The following UGT1A8 variants were observed in gnomAD, a reference collection of about 807,000 sequenced individuals.
UGT1A8 encodes UDP-glucuronosyltransferase 1A8.
In UGT1A8, 39 loss-of-function variants were observed where a neutral mutation model predicts 45.3. The ratio of observed to expected loss-of-function variants is 0.86; its 90% CI spans 0.67 to 1.12. The LOEUF is 1.12. UGT1A8 is among the 50% of genes most tolerant of loss of function. UGT1A8 has a pLI of 0.00. For synonymous variants in UGT1A8, 275 were observed against 249.2 expected (o/e 1.10, Z -0.97); for missense variants, 719 against 664.9 (o/e 1.08, Z -0.90).
intron 1 of UGT1A8, among the ~76,000 whole-genome samples, chr2:233,725,530 A>T (rs1438339071): frequency 6.6e-6 from 1 of 152,162 alleles, no homozygotes; most frequent in African/African-American, 2.4e-5. Context: ...TTGTTTAACC[A>T]GACATATCAC....
At position 233,617,711 on chromosome 2, in the gene UGT1A8, G is replaced by A; in HGVS notation, c.4G>A (p.Ala2Thr). M[A>T]RTGWTSPIPL... ...TGGCTCGGGCTGCAGTTCTCTCATG[G>A]CTCGCACAGGGTGGACCAGCCCCAT... Residue 2 changes from alanine (A) to threonine (T), a missense_variant, in exon 1 of 5, where the codon GCT becomes ACT. By Grantham distance (58) the Ala-to-Thr change is moderately conservative (BLOSUM62 0). Transcript: ENST00000373450. 1 of 1,612,334 alleles carries A rather than the reference G, an allele frequency of 6.2e-7. No individual in the cohort carries two copies. The highest frequency in any genetic ancestry group is 1.1e-5 in the South Asian group (1 of 90,720).
chr2:233,709,565 T>G (rs2076082358), intron 1 of UGT1A8, among the ~76,000 whole-genome samples: 1 of 152,156 alleles, frequency 6.6e-6, no homozygotes, highest in Non-Finnish European at 1.5e-5. Flanking sequence ...AAATTTAAAC[T>G]TAAAATTCAA....
intron 1 of UGT1A8, among the ~76,000 whole-genome samples, chr2:233,670,195 G>A (rs2074153926): frequency 6.6e-6 from 1 of 152,208 alleles, no homozygotes; most frequent in African/African-American, 2.4e-5. Context: ...TTAAGTGGAA[G>A]TGGATCATGA....
chr2:233,680,195 C>G (rs2074477959), intron 1 of UGT1A8, among the ~76,000 whole-genome samples: 1 of 152,094 alleles, frequency 6.6e-6, no homozygotes, highest in African/African-American at 2.4e-5. Context: ...CTTGCAGCAT[C>G]ATTAGTTGCA....
In UGT1A8 at chr2:233,617,733, C is replaced by T. The variant is rs761100207; in HGVS notation, c.26C>T (p.Pro9Leu). MARTGWTS[P>L]IPLCVSLLLT... ...ATGGCTCGCACAGGGTGGACCAGCC[C>T]CATTCCCCTATGTGTTTCTCTGCTG... Residue 9 changes from proline to leucine, a missense_variant, in exon 1 of 5, where the codon CCC (proline) becomes CTC (leucine). Transcript: ENST00000373450. The T allele has an allele frequency of 8.7e-6, 14 of 1,614,020 alleles. No homozygotes were observed. In the South Asian group the frequency reaches 1.3e-4, roughly 15 times the overall value.
chr2:233,665,065 A>G (rs1197928561), intron 1 of UGT1A8, among the ~76,000 whole-genome samples: 2 of 152,212 alleles, frequency 1.3e-5, no homozygotes. Flanking sequence ...TATTTTATGC[A>G]TATGCAGATA....
At chr2:233,637,428 A>G in intron 1 of UGT1A8, 1 of 1,548,340 alleles carries the variant, frequency 6.5e-7, no homozygotes, top group Non-Finnish European at 8.7e-7. Context: ...TTTGGAAATT[A>G]AAAAAGGATT....
Position 233,657,223 on chromosome 2 carries a change from C to T in UGT1A8, c.855+38661C>T, listed in dbSNP as rs76514227. Among the ~76,000 whole-genome samples, 48 of 152,318 alleles carry T rather than the reference C, an allele frequency of 3.2e-4. 1 individual carries two copies. In the East Asian group the frequency reaches 8.5e-3, roughly 27 times the overall value. ...CCTGGCTCATGGGCTTTATTTTATG[C>T]CACTCTTCATGCTCAGAAGCACCTG... On this transcript the variant is annotated intron_variant, in intron 1 of 4. Coordinates refer to ENST00000373450, the MANE Select transcript of UGT1A8 (RefSeq NM_019076.5).
chr2:233,642,184 G>A (rs577531626), intron 1 of UGT1A8, among the ~76,000 whole-genome samples: 24 of 152,090 alleles, frequency 1.6e-4, no homozygotes, highest in Admixed American at 4.6e-4. Context: ...CTATAAGCAT[G>A]CTTCATTGTT....
At chr2:233,732,150 T>C (rs1356402869) in intron 1 of UGT1A8, among the ~76,000 whole-genome samples, 1 of 152,152 alleles carries the variant, frequency 6.6e-6, no homozygotes. Flanking sequence ...GTTTTTTTTC[T>C]TGTAAATTTG....
rs541409164 is a variant in UGT1A8, at chr2:233,760,784, T to G, written c.856-6250T>G. ...CCCATCGTGGCCCAGTACCTGTCTC[T>G]GCCCACTGTATTCTTCTTGCATGCA... On this transcript the variant is annotated intron_variant, in intron 1 of 4. Transcript: ENST00000373450. 7 of 1,613,832 alleles carry G rather than the reference T, an allele frequency of 4.3e-6. No homozygotes were observed. In the East Asian group the frequency reaches 1.6e-4, roughly 36 times the overall value.
At chr2:233,730,195 G>T (rs1056966798) in intron 1 of UGT1A8, among the ~76,000 whole-genome samples, 6 of 152,186 alleles carry the variant, frequency 3.9e-5, no homozygotes, top group Admixed American at 6.5e-5. Context: ...TCACTGAGAG[G>T]AAGAGGAAGT....
rs567676971 is a variant in UGT1A8 at position 233,725,173 on chromosome 2, C to T, written c.856-41861C>T. 7.4e-5 allele frequency among the ~76,000 whole-genome samples: 7 copies of T among 94,254 alleles called. 2 individuals are homozygous for T. The highest frequency in any genetic ancestry group is 3.8e-4 in the African/African-American group (6 of 15,610). 61.8% of individuals were successfully genotyped at this position (94,254 alleles called of 152,430 possible). Reference sequence around the variant, plus strand: ...CTTCGGCTCTGCATGAGAGGGAGACCGTGGGGAGAGGCAGAGGCAGAGGCA... The same window carrying T: ...CTTCGGCTCTGCATGAGAGGGAGACTGTGGGGAGAGGCAGAGGCAGAGGCA... On this transcript the variant is annotated intron_variant, in intron 1 of 4. Transcript: ENST00000373450.
intron 1 of UGT1A8, chr2:233,742,938 A>G: frequency 4.7e-6 from 1 of 214,112 alleles, no homozygotes; most frequent in Admixed American, 5.3e-5. Context: ...ATTCTGTCCT[A>G]CCACTAGCAA....
At chr2:233,737,920 A>AT (rs1189793368) in intron 1 of UGT1A8, among the ~76,000 whole-genome samples, 1 of 152,076 alleles carries the variant, frequency 6.6e-6, no homozygotes, top group Non-Finnish European at 1.5e-5. Context: ...AGGCTAGTGT[A>AT]TTTAGTAGTG....
intron 1 of UGT1A8, chr2:233,754,848 A>G (rs1437174207): frequency 7.4e-7 from 1 of 1,344,734 alleles, no homozygotes; most frequent in African/African-American, 1.5e-5. Flanking sequence ...GAAGGCAGAG[A>G]AAAGGGGTGC....
chr2:233,641,851 G>A (rs879789989), intron 1 of UGT1A8, among the ~76,000 whole-genome samples: 1 of 152,064 alleles, frequency 6.6e-6, no homozygotes, highest in African/African-American at 2.4e-5. Flanking sequence ...GCCTGTAAGG[G>A]TTCCACTGAA....
intron 1 of UGT1A8, among the ~76,000 whole-genome samples, chr2:233,715,876 T>C (rs1472420308): frequency 6.6e-6 from 1 of 152,230 alleles, no homozygotes; most frequent in Non-Finnish European, 1.5e-5. Context: ...CTTGTGCCTG[T>C]GGCCCCAGCT....
chr2:233,713,544 A>C, intron 1 of UGT1A8: 2 of 1,613,986 alleles, frequency 1.2e-6, no homozygotes, highest in Non-Finnish European at 1.7e-6. Flanking sequence ...CTTTAAGGGC[A>C]CACAGTGTCC....
Sources: gnomAD v4.1 joint callset for allele counts (sites outside exome capture counted in the v4.1 genomes callset) on GRCh38, gnomAD v4.1.1 for gene constraint, MANE v1.5 for transcripts, NCBI Gene and HGNC (gene_info 2026-07-23, HGNC 2026-07-21) for gene names.